The following CACNA1H variants were observed in gnomAD, a reference collection of about 807,000 sequenced individuals.
CACNA1H encodes the protein calcium voltage-gated channel subunit alpha1 H, also known as voltage-dependent T-type calcium channel subunit alpha-1H.
Under a neutral mutation model 192.5 loss-of-function variants are expected in CACNA1H, and 149 were observed. That is an observed-to-expected ratio of 0.77 (90% CI 0.68 to 0.89). The LOEUF (loss-of-function observed/expected upper bound fraction) is 0.89. Ranked by LOEUF, CACNA1H falls within the 40% of genes least tolerant of loss-of-function variation. The pLI is 0.00. For missense variants in CACNA1H, 4,257 were observed against 3,423.5 expected, an observed-to-expected ratio of 1.24 and a Z score of -6.08; for synonymous variants, 2,202 against 1,475.2, an observed-to-expected ratio of 1.49 and a Z score of -11.29.
chr16:1,212,481 G>A (rs1258969717), intron 25 of CACNA1H, 30 bp from the exon 26 acceptor site: 20 of 1,606,886 alleles, frequency 1.2e-5, no homozygotes, highest in Middle Eastern at 3.3e-4. Flanking sequence ...CCACGCCCTC[G>A]GCCCTCAGAC....
At position 1,209,403 on chromosome 16, in the gene CACNA1H, C is replaced by T; in HGVS notation, c.3735C>T (p.Asp1245=). 1.3e-6 allele frequency: 2 copies of T among 1,597,558 alleles called. No homozygotes were observed. Among genetic ancestry groups the T allele is most frequent in the East Asian group, 2.2e-5 (1 of 44,854 alleles). ...AGGATGCAGCCGAGCTTGACGACGA[C>T]TCGGAGGACGTGAGTGCGTGGCCCT... The part of the protein sequence containing the change: ...HREDAAELDD[D]SEDSCCLRLH... The change falls in exon 17 of 35, where the codon GAC becomes GAT. Residue 1245 remains aspartate (D), a synonymous_variant. Coordinates refer to ENST00000348261, the MANE Select transcript of CACNA1H (RefSeq NM_021098.3).
rs569607355 is a variant in CACNA1H, at chr16:1,189,357, C to G, written c.300-5615C>G. 2.1e-5 allele frequency among the ~76,000 whole-genome samples: 3 copies of G among 140,752 alleles called. No homozygotes were observed. The East Asian group carries it at 6.7e-4, about 31-fold the overall frequency. The allele number at this position is 140,752 out of a possible 152,430, so 92.3% of individuals were successfully genotyped here. On this transcript the variant is annotated intron_variant, in intron 2 of 34. Coordinates refer to ENST00000348261, the MANE Select transcript of CACNA1H (RefSeq NM_021098.3). ...TGGAGATGTGAGGAAGGGGAGGTGG[C>G]CAGGCTGTGCTGGACCTGGCAGGTG...
intron 2 of CACNA1H, among the ~76,000 whole-genome samples, chr16:1,177,825 C>T (rs1442772319): frequency 1.3e-5 from 2 of 151,906 alleles, no homozygotes; most frequent in African/African-American, 4.8e-5. Context: ...TAACCCCATT[C>T]CTGAGGGCTC....
chr16:1,165,540 C>T (rs1485815919), intron 2 of CACNA1H, among the ~76,000 whole-genome samples: 2 of 152,154 alleles, frequency 1.3e-5, no homozygotes, highest in Admixed American at 6.5e-5. Context: ...CCTGGGCCCC[C>T]CTCCCCACCT....
intron 2 of CACNA1H, among the ~76,000 whole-genome samples, chr16:1,183,625 G>A (rs1029669900): frequency 2.0e-5 from 3 of 152,244 alleles, no homozygotes; most frequent in Admixed American, 1.3e-4. Flanking sequence ...GGGGTCGGGG[G>A]TCCGGGGGAG....
intron 2 of CACNA1H, among the ~76,000 whole-genome samples, chr16:1,185,301 C>T (rs369674342): frequency 1.2e-4 from 19 of 152,272 alleles, no homozygotes; most frequent in East Asian, 1.2e-3. Context: ...GGGTCAGTGC[C>T]GCTGTGGACA....
At position 1,202,230 on chromosome 16, in the gene CACNA1H, G is replaced by A. The variant is rs1968029234; in HGVS notation, c.1780G>A (p.Ala594Thr). 6.4e-7 allele frequency: 1 copy of A among 1,556,552 alleles called. No individual in the cohort carries two copies. The change falls in exon 9 of 35, where the codon GCC becomes ACC. Residue 594 changes from alanine to threonine, a missense_variant. By Grantham distance (58) the Ala-to-Thr change is moderately conservative. Coordinates refer to ENST00000348261, the MANE Select transcript of CACNA1H (RefSeq NM_021098.3). ...GCAGGAGAGGGCCCGGGTGGCACAT[G>A]CCGCAGCCACTGCCGCTGCCAGCCT... ...GPQERARVAHAAATAAASLRL... is the reference protein window; with the variant it reads ...GPQERARVAHTAATAAASLRL...
chr16:1,213,651 T>C, intron 26 of CACNA1H, 129 bp from the exon 27 acceptor site: 2 of 611,718 alleles, frequency 3.3e-6, no homozygotes, highest in African/African-American at 1.9e-5. Flanking sequence ...GCCAGCCCCA[T>C]CTTCACATGA....
At chr16:1,181,800 TCTC>T (rs1456777902) in intron 2 of CACNA1H, among the ~76,000 whole-genome samples, 5 of 152,022 alleles carry the variant, frequency 3.3e-5, no homozygotes, top group African/African-American at 1.2e-4. Context: ...GTGTGTGAGT[TCTC>T]CACTTGTGTG....
rs759684037 is a variant in CACNA1H at position 1,220,373 on chromosome 16, G to A, written c.6441G>A (p.Pro2147=). Residue 2147 remains proline, a synonymous_variant, in exon 35 of 35, where the codon CCG becomes CCA. Transcript: ENST00000348261. The part of the protein sequence containing the change: ...SVDAQGFLDK[P]GRADEQWRPS... ...ATGCTCAGGGCTTCCTGGACAAGCCGGGCCGGGCAGACGAGCAGTGGCGGC... is the reference window on the plus strand; with the variant it reads ...ATGCTCAGGGCTTCCTGGACAAGCCAGGCCGGGCAGACGAGCAGTGGCGGC... The A allele has an allele frequency of 1.1e-5, 16 of 1,523,140 alleles. No homozygotes were observed. Among genetic ancestry groups the A allele is most frequent in the African/African-American group, 2.8e-5 (2 of 70,346 alleles). The allele number at this position is 1,523,140 out of a possible 1,614,324, so 94.4% of individuals were successfully genotyped here. A position where few individuals can be genotyped will look rare whatever the true frequency, so the allele number is the denominator to read the frequency against.
intron 26 of CACNA1H, among the ~76,000 whole-genome samples, chr16:1,212,904 C>G (rs1003010822): frequency 6.6e-6 from 1 of 152,226 alleles, no homozygotes; most frequent in Non-Finnish European, 1.5e-5. Context: ...GCATGCCGGC[C>G]GCAGAGCATG....
At chr16:1,210,172 C>T (rs541840902) in intron 18 of CACNA1H, 37 bp downstream of exon 18, 2 of 1,504,546 alleles carry the variant, frequency 1.3e-6, no homozygotes, top group Admixed American at 2.0e-5. Flanking sequence ...ATGGCTAGTT[C>T]CACCCCACGG....
At chr16:1,172,424 C>T (rs1026148992) in intron 2 of CACNA1H, among the ~76,000 whole-genome samples, 9 of 152,134 alleles carry the variant, frequency 5.9e-5, no homozygotes, top group African/African-American at 1.9e-4. Flanking sequence ...ACGGTGGCAG[C>T]GCGGCTGCCC....
chr16:1,218,782 G>T, intron 33 of CACNA1H, 131 bp downstream of exon 33: 1 of 1,157,188 alleles, frequency 8.6e-7, no homozygotes, highest in South Asian at 1.5e-5. Context: ...AGGAGGATGG[G>T]GGCAGGCAGG....
In CACNA1H at chr16:1,156,565, T is replaced by TG. The variant is rs575108683; in HGVS notation, c.299+2533dup. Among the ~76,000 whole-genome samples, 27 of 152,154 alleles carry TG rather than the reference T, an allele frequency of 1.8e-4. 1 individual carries two copies. In the East Asian group the frequency reaches 4.8e-3, roughly 27 times the overall value. ...AGGGGCGGTGGGCGACTGGTGTGGC[T>TG]GGGGTGTGTCCCGTAGCAAGAGGGT... On this transcript the variant is annotated intron_variant, in intron 2 of 34. Coordinates refer to ENST00000348261, the MANE Select transcript of CACNA1H (RefSeq NM_021098.3).
At chr16:1,207,671 C>G in intron 14 of CACNA1H, 99 bp from the exon 15 acceptor site, 1 of 1,140,730 alleles carries the variant, frequency 8.8e-7, no homozygotes, top group Admixed American at 2.0e-5. Context: ...GCCCTTCTGT[C>G]CACACCCCAC....
At chr16:1,211,053 C>G in intron 21 of CACNA1H, 82 bp downstream of exon 21, 1 of 1,554,782 alleles carries the variant, frequency 6.4e-7, no homozygotes, top group Non-Finnish European at 8.7e-7. Context: ...TCCCGCAGTC[C>G]TGGGCTGTTC....
chr16:1,203,295 T>C (rs1968217134), intron 9 of CACNA1H, among the ~76,000 whole-genome samples: 2 of 152,152 alleles, frequency 1.3e-5, no homozygotes, highest in South Asian at 4.1e-4. Flanking sequence ...TTCATGTCAG[T>C]TTCGTGTTGG....
intron 2 of CACNA1H, among the ~76,000 whole-genome samples, chr16:1,165,042 A>T (rs111300827): frequency 6.6e-6 from 1 of 151,940 alleles, no homozygotes; most frequent in Non-Finnish European, 1.5e-5. Flanking sequence ...ACACCTGTGC[A>T]GGGGTGGGAA....
Sources: gnomAD v4.1 joint callset for allele counts (sites outside exome capture counted in the v4.1 genomes callset) on GRCh38, gnomAD v4.1.1 for gene constraint, MANE v1.5 for transcripts, NCBI Gene and HGNC (gene_info 2026-07-23, HGNC 2026-07-21) for gene names.